Variants in CXADR observed in about 807,000 individuals in gnomAD.
The protein encoded by CXADR is CXADR cell adhesion molecule.
Under a neutral mutation model 40.3 loss-of-function variants are expected in CXADR, and 20 were observed. The ratio of observed to expected loss-of-function variants is 0.50; its 90% CI spans 0.35 to 0.72. CXADR has a LOEUF of 0.72. CXADR is among the 30% of genes least tolerant of loss of function. CXADR has a pLI of 0.01. For missense variants in CXADR, 332 were observed against 449.1 expected, an observed-to-expected ratio of 0.74 and a Z score of 2.36; for synonymous variants, 150 against 161.3, an observed-to-expected ratio of 0.93 and a Z score of 0.53.
At chr21:17,633,766 T>A in the CXADR span, among the ~76,000 whole-genome samples, 1 of 152,188 alleles carries the variant, frequency 6.6e-6, no homozygotes, top group Admixed American at 6.5e-5. Flanking sequence ...TTTGAGCCAA[T>A]TCATCTCCCC....
At chr21:17,616,731 G>A in the CXADR span, among the ~76,000 whole-genome samples, 1 of 152,058 alleles carries the variant, frequency 6.6e-6, no homozygotes, top group Non-Finnish European at 1.5e-5. Flanking sequence ...AGTGTGTGCA[G>A]CCTTCTGGGG....
At chr21:17,610,106 T>C in the CXADR span, among the ~76,000 whole-genome samples, 2 of 152,202 alleles carry the variant, frequency 1.3e-5, no homozygotes. Context: ...TCCATTGATA[T>C]GAAATATCCA....
chr21:17,549,773 A>G (rs2060942250), intron 2 of CXADR, among the ~76,000 whole-genome samples: 1 of 152,192 alleles, frequency 6.6e-6, no homozygotes. Context: ...GAGCATAATG[A>G]GCTATTGGAA....
chr21:17,591,143 G>A (rs2061431830), intron 7 of CXADR, among the ~76,000 whole-genome samples: 1 of 151,908 alleles, frequency 6.6e-6, no homozygotes, highest in South Asian at 2.1e-4. Context: ...TGAATCTGAT[G>A]GCAAGGTACC....
At chr21:17,583,008 G>A (rs765490176) in intron 7 of CXADR, among the ~76,000 whole-genome samples, 1 of 152,218 alleles carries the variant, frequency 6.6e-6, no homozygotes, top group Non-Finnish European at 1.5e-5. Flanking sequence ...AGGAGAGAAC[G>A]TGATAGAAAA....
chr21:17,526,479 G>A (rs2060599797), intron 1 of CXADR, among the ~76,000 whole-genome samples: 1 of 152,072 alleles, frequency 6.6e-6, no homozygotes, highest in Admixed American at 6.6e-5. Flanking sequence ...AAAAGTATAT[G>A]CATAATAATT....
At chr21:17,553,572 T>C (rs1029758300) in intron 3 of CXADR, among the ~76,000 whole-genome samples, 1 of 151,726 alleles carries the variant, frequency 6.6e-6, no homozygotes, top group African/African-American at 2.4e-5. Context: ...TTCTTTGTTA[T>C]AAATGTATAA....
At chr21:17,572,027 G>A (rs1265657571), downstream of CXADR, among the ~76,000 whole-genome samples, 2 of 152,030 alleles carry the variant, frequency 1.3e-5, no homozygotes, top group African/African-American at 4.8e-5. Context: ...CATTAAATAT[G>A]CATCATATAC....
At chr21:17,574,872 TA>T (rs2061307413), downstream of CXADR, among the ~76,000 whole-genome samples, 2 of 151,956 alleles carry the variant, frequency 1.3e-5, no homozygotes, top group Admixed American at 1.3e-4. Flanking sequence ...GGACTGGAGA[TA>T]GAAAAATGTG....
the CXADR span, among the ~76,000 whole-genome samples, chr21:17,616,531 T>C: frequency 6.6e-6 from 1 of 151,824 alleles, no homozygotes; most frequent in South Asian, 2.1e-4. Flanking sequence ...GAGACAAGGT[T>C]TCACTGTGTT....
At chr21:17,593,489 T>C (rs2061462195) in exon 8 of CXADR, 4 of 216,780 alleles carry the variant, frequency 1.8e-5, no homozygotes, top group Non-Finnish European at 2.7e-5. Flanking sequence ...ATATGCATAT[T>C]CTGATATGTG....
intron 3 of CXADR, 70 bp downstream of exon 3, chr21:17,552,023 A>G: frequency 8.6e-7 from 1 of 1,162,340 alleles, no homozygotes; most frequent in Non-Finnish European, 1.3e-6. Context: ...CTGTAGTAGC[A>G]GCACTTGTAT....
chr21:17,543,421 G>A (rs911132568), intron 1 of CXADR, among the ~76,000 whole-genome samples: 2 of 152,116 alleles, frequency 1.3e-5, no homozygotes, highest in Non-Finnish European at 2.9e-5. Context: ...ACAAATGTAG[G>A]TGTCTAATTG....
chr21:17,569,893 C>T lies in CXADR; in HGVS notation c.*4201C>T, dbSNP rs113624020. The stretch of plus-strand genomic sequence containing the variant: ...TTGTGAATTTTAGTGATAAATACAC[C>T]TGTACTACTGAGGAAAATATTCTGA... On this transcript the variant is annotated 3_prime_UTR_variant, in exon 7 of 7. Transcript: ENST00000284878. 2.9e-5 allele frequency: 29 copies of T among 985,146 alleles called. No homozygotes were observed. In the African/African-American group the frequency reaches 4.2e-4, roughly 14 times the overall value. 61.0% of individuals were successfully genotyped at this position (985,146 alleles called of 1,614,324 possible). A position where few individuals can be genotyped will look rare whatever the true frequency, so the allele number is the denominator to read the frequency against.
chr21:17,567,804 T>C lies in CXADR; in HGVS notation c.*2112T>C. On this transcript the variant is annotated 3_prime_UTR_variant, in exon 7 of 7. Transcript: ENST00000284878. ...CCTGACTTTCATATAATGAAAATTA[T>C]CCTATTGATCTAAGTAGAAGTTATC... is the stretch of plus-strand genomic sequence containing the variant. The C allele has an allele frequency of 2.1e-6, 2 of 944,190 alleles. No homozygotes were observed. The highest frequency in any genetic ancestry group is 2.5e-6 in the Non-Finnish European group (2 of 792,438). The allele number at this position is 944,190 out of a possible 1,614,324, so 58.5% of individuals were successfully genotyped here.
chr21:17,524,637 G>A (rs1244009059), intron 1 of CXADR, among the ~76,000 whole-genome samples: 2 of 143,200 alleles, frequency 1.4e-5, no homozygotes, highest in Non-Finnish European at 3.0e-5. Context: ...GTGTGCGCCT[G>A]TAATTCCAGC....
the CXADR span, among the ~76,000 whole-genome samples, chr21:17,631,742 G>A: frequency 6.6e-6 from 1 of 152,030 alleles, no homozygotes; most frequent in Non-Finnish European, 1.5e-5. Context: ...CCACATTACT[G>A]CCATCTAAGA....
intron 1 of CXADR, among the ~76,000 whole-genome samples, chr21:17,542,537 A>G (rs2060843045): frequency 6.6e-6 from 1 of 152,206 alleles, no homozygotes; most frequent in Non-Finnish European, 1.5e-5. Context: ...CAAGTGATTT[A>G]GAAACTGGAG....
Position 17,579,758 on chromosome 21 carries a change from T to C in CXADR, c.1018-13394T>C, listed in dbSNP as rs80089442. ...AGTCCTTGAATGGTGATGGTGCTGG[T>C]GAGGTTTGAATCACAAACTTGTTAC... is the stretch of plus-strand genomic sequence containing the variant. On this transcript the variant is annotated intron_variant, in intron 7 of 7. Transcript: ENST00000400169. 8.1e-3 allele frequency among the ~76,000 whole-genome samples: 1,234 copies of C among 152,288 alleles called. 10 individuals carry two copies. The highest frequency in any genetic ancestry group is 0.014 in the Non-Finnish European group (926 of 68,016).
Sources: gnomAD v4.1 joint callset for allele counts (sites outside exome capture counted in the v4.1 genomes callset) on GRCh38, gnomAD v4.1.1 for gene constraint, MANE v1.5 for transcripts, NCBI Gene and HGNC (gene_info 2026-07-23, HGNC 2026-07-21) for gene names.